Variants in NKAIN2 observed in about 807,000 individuals in gnomAD.
The protein encoded by NKAIN2 is sodium/potassium transporting ATPase interacting 2.
NKAIN2 carries 14 observed loss-of-function variants against 32.6 expected under a neutral mutation model. That is an observed-to-expected ratio of 0.43 (90% CI 0.28 to 0.67). The LOEUF is 0.67. Among genes scored for constraint, NKAIN2 ranks in the 30% least tolerant of loss-of-function variants. The probability of loss-of-function intolerance (pLI) is 0.17; values close to 1 mark genes in which losing one functional copy is unlikely to be tolerated. For synonymous variants in NKAIN2, 80 were observed against 87.2 expected (o/e 0.92, Z 0.46); for missense variants, 198 against 258.3 (o/e 0.77, Z 1.60).
intron 3 of NKAIN2, among the ~76,000 whole-genome samples, chr6:124,376,835 T>C (rs1800014704): frequency 1.3e-5 from 2 of 152,182 alleles, no homozygotes; most frequent in African/African-American, 2.4e-5. Flanking sequence ...ATTTATGATG[T>C]TTGCTTTTAT....
chr6:123,901,928 G>A (rs73773005), intron 1 of NKAIN2, among the ~76,000 whole-genome samples: 4,435 of 152,084 alleles, frequency 0.029, 190 homozygotes, highest in African/African-American at 0.099. Context: ...AAAAAAAAAT[G>A]AGGCTGATAC....
At chr6:124,547,398 G>A (rs1338274584) in intron 3 of NKAIN2, among the ~76,000 whole-genome samples, 2 of 152,010 alleles carry the variant, frequency 1.3e-5, no homozygotes, top group Admixed American at 6.5e-5. Flanking sequence ...ATGATATGAA[G>A]TATTCAGGGT....
At chr6:124,105,624 A>T (rs28679805) in intron 1 of NKAIN2, among the ~76,000 whole-genome samples, 2 of 152,334 alleles carry the variant, frequency 1.3e-5, no homozygotes, top group African/African-American at 4.8e-5. Flanking sequence ...TTATAAAAAG[A>T]TGGATTTAAG....
At chr6:124,083,859 G>T (rs756977936) in intron 1 of NKAIN2, among the ~76,000 whole-genome samples, 74 of 151,954 alleles carry the variant, frequency 4.9e-4, no homozygotes, top group Non-Finnish European at 8.7e-4. Flanking sequence ...CAGAGAGCAT[G>T]ATTTTTTCAT....
intron 4 of NKAIN2, among the ~76,000 whole-genome samples, chr6:124,761,204 G>A (rs999122430): frequency 2.0e-5 from 3 of 152,122 alleles, no homozygotes; most frequent in Non-Finnish European, 4.4e-5. Context: ...ATTAATTATA[G>A]TATGTGCTAT....
In NKAIN2 at chr6:124,604,147, T is replaced by C. The variant is rs1313911857; in HGVS notation, c.274-54039T>C. ...ATAGCGGAGGATGACTGTGTGATTG[T>C]CAACCTCTAACACATACCCACTGAG... On this transcript the variant is annotated intron_variant, in intron 3 of 6. Coordinates refer to ENST00000368417, the MANE Select transcript of NKAIN2 (RefSeq NM_001040214.3). 2.0e-5 allele frequency among the ~76,000 whole-genome samples: 3 copies of C among 152,024 alleles called. No individual in the cohort carries two copies. In the South Asian group the frequency reaches 6.2e-4, roughly 31 times the overall value.
chr6:124,550,454 T>C (rs569810499), intron 3 of NKAIN2, among the ~76,000 whole-genome samples: 4 of 152,290 alleles, frequency 2.6e-5, no homozygotes, highest in Non-Finnish European at 5.9e-5. Context: ...TCATCTTCTA[T>C]CTTCCCTGAC....
chr6:124,086,164 C>T (rs911594284), intron 1 of NKAIN2, among the ~76,000 whole-genome samples: 1 of 151,960 alleles, frequency 6.6e-6, no homozygotes, highest in Non-Finnish European at 1.5e-5. Flanking sequence ...ATCTTCACAT[C>T]TGCTCCAAGT....
At chr6:124,186,337 G>T (rs1486493914) in intron 1 of NKAIN2, among the ~76,000 whole-genome samples, 1 of 152,096 alleles carries the variant, frequency 6.6e-6, no homozygotes, top group Non-Finnish European at 1.5e-5. Flanking sequence ...TAGCTACCAG[G>T]GAGGCTGAGG....
intron 1 of NKAIN2, among the ~76,000 whole-genome samples, chr6:124,171,114 A>G (rs546003301): frequency 1.3e-5 from 2 of 152,170 alleles, no homozygotes; most frequent in South Asian, 2.1e-4. Context: ...CTCAACTCTC[A>G]CTTTTCCACT....
chr6:124,762,511 A>G (rs1778318382), intron 4 of NKAIN2, among the ~76,000 whole-genome samples: 1 of 152,214 alleles, frequency 6.6e-6, no homozygotes, highest in Admixed American at 6.5e-5. Flanking sequence ...ATATAGTCAT[A>G]AAAGTATAGA....
At chr6:124,135,515 T>TAAAAAAAAAAAAAA (rs56183476) in intron 1 of NKAIN2, among the ~76,000 whole-genome samples, 12 of 100,376 alleles carry the variant, frequency 1.2e-4, no homozygotes, top group East Asian at 6.0e-4. Flanking sequence ...GCAACGATAG[T>TAAAAAAAAAAAAAA]AAAAAAAAAA....
chr6:124,455,469 G>GA lies in NKAIN2; in HGVS notation c.273+100124dup, dbSNP rs527997638. Among the ~76,000 whole-genome samples, 76 of 152,092 alleles carry GA rather than the reference G, an allele frequency of 5.0e-4. No homozygotes were observed. The South Asian group carries it at 7.3e-3, about 15-fold the overall frequency. ...TAGAGAAAATGAATAAGTGGAAAATGAATAGTTTATACTTCAGAGAAGCCC... is the reference window on the plus strand; with the variant it reads ...TAGAGAAAATGAATAAGTGGAAAATGAAATAGTTTATACTTCAGAGAAGCCC... On this transcript the variant is annotated intron_variant, in intron 3 of 6. Transcript: ENST00000368417.
At chr6:124,467,535 G>T (rs1255619164) in intron 3 of NKAIN2, among the ~76,000 whole-genome samples, 2 of 152,054 alleles carry the variant, frequency 1.3e-5, no homozygotes, top group African/African-American at 4.8e-5. Context: ...GTTCAGTGCT[G>T]TGTTCTGTTT....
At chr6:124,807,233 T>G (rs1289016125) in intron 5 of NKAIN2, among the ~76,000 whole-genome samples, 1 of 152,156 alleles carries the variant, frequency 6.6e-6, no homozygotes, top group African/African-American at 2.4e-5. Context: ...GACCACATAG[T>G]TGGAAGTAAA....
chr6:124,547,906 G>A (rs141907338), intron 3 of NKAIN2, among the ~76,000 whole-genome samples: 55 of 152,090 alleles, frequency 3.6e-4, no homozygotes, highest in African/African-American at 1.2e-3. Flanking sequence ...CTACACACAC[G>A]TCAATACAAG....
intron 3 of NKAIN2, among the ~76,000 whole-genome samples, chr6:124,516,487 A>G (rs1028643770): frequency 6.6e-6 from 1 of 152,096 alleles, no homozygotes; most frequent in Non-Finnish European, 1.5e-5. Flanking sequence ...AGGTGTTTTT[A>G]GTTAATTAAT....
intron 4 of NKAIN2, among the ~76,000 whole-genome samples, chr6:124,672,101 T>C (rs1305460722): frequency 6.6e-6 from 1 of 152,040 alleles, no homozygotes; most frequent in Non-Finnish European, 1.5e-5. Flanking sequence ...TACTAGATTG[T>C]TAGTCTGGGG....
chr6:124,804,199 TA>T (rs533648822), intron 5 of NKAIN2, among the ~76,000 whole-genome samples: 226 of 152,270 alleles, frequency 1.5e-3, no homozygotes, highest in Non-Finnish European at 2.5e-3. Flanking sequence ...ATTATATTAT[TA>T]AAAGACTACC....
Sources: gnomAD v4.1 joint callset for allele counts (sites outside exome capture counted in the v4.1 genomes callset) on GRCh38, gnomAD v4.1.1 for gene constraint, MANE v1.5 for transcripts, NCBI Gene and HGNC (gene_info 2026-07-23, HGNC 2026-07-21) for gene names.